BCAR3: variants seen among roughly 807,000 people sequenced by gnomAD.
BCAR3 encodes the protein breast cancer anti-estrogen resistance protein 3.
In BCAR3, 37 loss-of-function variants were observed where a neutral mutation model predicts 80.1. That is an observed-to-expected ratio of 0.46 (90% confidence interval 0.36 to 0.61). BCAR3 has a LOEUF of 0.61. Ranked by LOEUF, BCAR3 falls within the 20% of genes least tolerant of loss-of-function variation. BCAR3 has a pLI of 0.00. For synonymous variants in BCAR3, 389 were observed against 418.9 expected, an observed-to-expected ratio of 0.93 and a Z score of 0.87; for missense variants, 978 against 1,068.2, an observed-to-expected ratio of 0.92 and a Z score of 1.18.
At chr1:93,587,274 C>T (rs1215425827) in intron 5 of BCAR3, among the ~76,000 whole-genome samples, 1 of 152,186 alleles carries the variant, frequency 6.6e-6, no homozygotes, top group Non-Finnish European at 1.5e-5. Flanking sequence ...AATCTGCCCA[C>T]CTTAGCCTCC....
At chr1:93,691,851 T>C (rs188165298) in intron 3 of BCAR3, among the ~76,000 whole-genome samples, 4 of 152,220 alleles carry the variant, frequency 2.6e-5, no homozygotes, top group Admixed American at 2.0e-4. Flanking sequence ...ATATGTACAA[T>C]TCACTCCCAC....
rs140209686 is a variant in BCAR3, at chr1:93,582,716, T to C, written c.1271A>G (p.Asn424Ser). The C allele has an allele frequency of 2.7e-5, 43 of 1,613,898 alleles. No homozygotes were observed. Among genetic ancestry groups the C allele is most frequent in the Non-Finnish European group, 3.4e-5 (40 of 1,179,990 alleles). Residue 424 changes from asparagine to serine, a missense_variant, in exon 7 of 12, where the codon AAC (asparagine) becomes AGC (serine). Coordinates refer to ENST00000260502, the MANE Select transcript of BCAR3 (RefSeq NM_003567.4). ...CAGTTCACAGTAGTTGGCCTCTGAG[T>C]TGAGCCAGGCAGAGGGAGACGAGGG... is the stretch of plus-strand genomic sequence containing the variant. ...KVPSSPSAWL[N>S]SEANYCELNP...
intron 2 of BCAR3, among the ~76,000 whole-genome samples, chr1:93,736,860 G>C (rs749636168): frequency 2.0e-5 from 3 of 152,182 alleles, no homozygotes; most frequent in Non-Finnish European, 4.4e-5. Flanking sequence ...TGTGTGCTGG[G>C]TTTTGTTAGG....
At chr1:93,573,624 A>AT (rs1557838294) in intron 8 of BCAR3, among the ~76,000 whole-genome samples, 1 of 139,042 alleles carries the variant, frequency 7.2e-6, no homozygotes, top group African/African-American at 2.8e-5. Context: ...TATTATTATT[A>AT]TTATTATTAT....
At position 93,674,769 on chromosome 1, in the gene BCAR3, C is replaced by A. The variant is rs1218493045; in HGVS notation, c.162G>T (p.Lys54Asn). 1.2e-6 allele frequency: 2 copies of A among 1,612,636 alleles called. No individual in the cohort carries two copies. Among genetic ancestry groups the A allele is most frequent in the Non-Finnish European group, 1.7e-6 (2 of 1,179,644 alleles). Residue 54 changes from lysine to asparagine, a missense_variant, in exon 2 of 12, where the codon AAG (lysine) becomes AAT (asparagine). Transcript: ENST00000260502. ...DVSIHGTLPR[K>N]KKGPPPIRSC... is the part of the protein sequence containing the mutation. ...ACCTTATGGGAGGAGGACCTTTTTT[C>A]TTCCGTGGAAGGGTGCCATGTATAG...
At chr1:93,696,571 C>T (rs1194816500) in intron 3 of BCAR3, among the ~76,000 whole-genome samples, 1 of 152,138 alleles carries the variant, frequency 6.6e-6, no homozygotes, top group Non-Finnish European at 1.5e-5. Flanking sequence ...TCCCTCCCAT[C>T]CTGCCCTTCT....
chr1:93,579,395 A>G (rs1673608531), intron 7 of BCAR3, among the ~76,000 whole-genome samples: 2 of 152,182 alleles, frequency 1.3e-5, no homozygotes, highest in African/African-American at 4.8e-5. Flanking sequence ...GGAAGAAGGA[A>G]GTTTCAACAT....
chr1:93,754,386 AAT>A (rs1651678083), intron 2 of BCAR3: 2 of 152,216 alleles, frequency 1.3e-5, no homozygotes, highest in Non-Finnish European at 2.9e-5. Context: ...TCAGATAACA[AAT>A]GATGAAATTA....
chr1:93,780,078 G>A (rs1652715395), intron 2 of BCAR3, among the ~76,000 whole-genome samples: 1 of 152,140 alleles, frequency 6.6e-6, no homozygotes, highest in African/African-American at 2.4e-5. Flanking sequence ...GCCTGCTTAA[G>A]GTAGACAACA....
intron 4 of BCAR3, among the ~76,000 whole-genome samples, chr1:93,591,399 C>T (rs902378515): frequency 6.6e-6 from 1 of 152,008 alleles, no homozygotes; most frequent in African/African-American, 2.4e-5. Context: ...CGCTTGAACC[C>T]AGGAGGTAGA....
chr1:93,631,267 G>A (rs1245642893), intron 3 of BCAR3, among the ~76,000 whole-genome samples: 1 of 152,108 alleles, frequency 6.6e-6, no homozygotes, highest in East Asian at 1.9e-4. Flanking sequence ...AGTGGATTAG[G>A]GCCCATCCTT....
chr1:93,634,860 T>G (rs1309410338), intron 3 of BCAR3, among the ~76,000 whole-genome samples: 1 of 152,186 alleles, frequency 6.6e-6, no homozygotes, highest in Non-Finnish European at 1.5e-5. Context: ...TTTTCTTTTG[T>G]AAATTGCCCA....
intron 5 of BCAR3, chr1:93,585,147 C>G (rs571008445): frequency 2.0e-6 from 2 of 985,030 alleles, no homozygotes; most frequent in African/African-American, 3.5e-5. Context: ...GGGGCCAGAA[C>G]GGCAGGGTGT....
At chr1:93,830,049 T>C (rs1654505303) in intron 2 of BCAR3, among the ~76,000 whole-genome samples, 2 of 152,206 alleles carry the variant, frequency 1.3e-5, no homozygotes, top group East Asian at 3.8e-4. Flanking sequence ...TGCTCCCTCT[T>C]TGCCTTCCAC....
chr1:93,757,627 G>A (rs1571102312), intron 2 of BCAR3, among the ~76,000 whole-genome samples: 2 of 152,144 alleles, frequency 1.3e-5, no homozygotes, highest in East Asian at 1.9e-4. Context: ...GTTGCAGAGG[G>A]CTAGGCAGGC....
intron 3 of BCAR3, among the ~76,000 whole-genome samples, chr1:93,600,140 T>C (rs1674575073): frequency 6.6e-6 from 1 of 152,192 alleles, no homozygotes; most frequent in African/African-American, 2.4e-5. Context: ...TCAACGAGCT[T>C]CTAATATTTA....
chr1:93,846,620 C>G (rs1325720330), intron 1 of BCAR3, among the ~76,000 whole-genome samples: 1 of 152,064 alleles, frequency 6.6e-6, no homozygotes, highest in East Asian at 1.9e-4. Flanking sequence ...TCGCAGCCAC[C>G]AGGAAACCCC....
chr1:93,647,942 T>G (rs567385052), intron 2 of BCAR3, among the ~76,000 whole-genome samples: 1 of 152,190 alleles, frequency 6.6e-6, no homozygotes, highest in Admixed American at 6.5e-5. Context: ...CTGGCTAATT[T>G]TTGTATTTTT....
intron 5 of BCAR3, chr1:93,585,014 A>T: frequency 1.0e-6 from 1 of 985,434 alleles, no homozygotes; most frequent in African/African-American, 1.7e-5. Flanking sequence ...AAACCCCCAA[A>T]CTCCAAGGAA....
Sources: gnomAD v4.1 joint callset for allele counts (sites outside exome capture counted in the v4.1 genomes callset) on GRCh38, gnomAD v4.1.1 for gene constraint, MANE v1.5 for transcripts, NCBI Gene and HGNC (gene_info 2026-07-23, HGNC 2026-07-21) for gene names.